NAGA: variants seen among roughly 807,000 people sequenced by gnomAD.
NAGA encodes alpha-N-acetylgalactosaminidase.
In NAGA, 42 loss-of-function variants were observed where a neutral mutation model predicts 45.6. That is an observed-to-expected ratio of 0.92 (90% CI 0.72 to 1.19). The LOEUF (loss-of-function observed/expected upper bound fraction) is 1.19, where lower values mean the gene tolerates loss of function less well. Among genes scored for constraint, NAGA ranks in the 50% most tolerant of loss-of-function variants. The pLI is 0.00. For missense variants in NAGA, 493 were observed against 544.8 expected, an observed-to-expected ratio of 0.90 and a Z score of 0.95; for synonymous variants, 176 against 203.1, an observed-to-expected ratio of 0.87 and a Z score of 1.13.
Position 42,060,956 on chromosome 22 carries a change from G to A in NAGA, c.1069C>T (p.Gln357Ter). 6.2e-7 allele frequency: 1 copy of A among 1,614,246 alleles called. No individual in the cohort carries two copies. The change falls in exon 8 of 9, where the codon CAG (glutamine) becomes TAG (stop). Residue 357 changes from glutamine (Q) to a stop codon, truncating the protein, a stop_gained. Transcript: ENST00000396398. LOFTEE classifies it low-confidence loss of function (END_TRUNC). ...ATCACAGACCCGGTGAAGTTCAGCT[G>A]GCCAAGGGAGGAGTGGTAGCGATAA... is the stretch of plus-strand genomic sequence containing the variant. ...MPYRYHSSLGQLNFTGSVIYE... is the reference protein window; with the variant it reads ...MPYRYHSSLG
intron 6 of NAGA, among the ~76,000 whole-genome samples, chr22:42,065,230 A>G (rs1274027921): frequency 1.3e-5 from 2 of 152,244 alleles, no homozygotes; most frequent in South Asian, 2.1e-4. Flanking sequence ...TGACTAACAG[A>G]TAACTATAAA....
chr22:42,066,914 G>A, intron 4 of NAGA, 110 bp from the exon 5 acceptor site: 9 of 1,384,246 alleles, frequency 6.5e-6, no homozygotes, highest in Non-Finnish European at 9.1e-6. Flanking sequence ...CAAACAGTAG[G>A]TGCCTCCCCA....
At chr22:42,066,868 CA>C in intron 4 of NAGA, 64 bp from the exon 5 acceptor site, 1 of 1,521,920 alleles carries the variant, frequency 6.6e-7, no homozygotes, top group South Asian at 1.2e-5. Context: ...GGCCTTAGCC[CA>C]GACCTTTTCC....
intron 1 of NAGA, among the ~76,000 whole-genome samples, chr22:42,069,763 T>C (rs2146846843): frequency 1.3e-5 from 2 of 152,372 alleles, no homozygotes; most frequent in East Asian, 3.9e-4. Context: ...GTATACGTAC[T>C]GTGGTTTCTA....
intron 7 of NAGA, 71 bp from the exon 8 acceptor site, chr22:42,061,138 T>G: frequency 6.4e-7 from 1 of 1,570,488 alleles, no homozygotes; most frequent in Non-Finnish European, 8.6e-7. Flanking sequence ...TCCCTGGCCC[T>G]CCCTGAGTTC....
At position 42,070,502 on chromosome 22, in the gene NAGA, C is replaced by T. The variant is rs1489536689; in HGVS notation, c.-205G>A. 4.5e-6 allele frequency: 3 copies of T among 669,236 alleles called. No homozygotes were observed. The highest frequency in any genetic ancestry group is 8.2e-6 in the Non-Finnish European group (3 of 366,100). The allele number at this position is 669,236 out of a possible 1,614,324, so 41.5% of individuals were successfully genotyped here. A position where few individuals can be genotyped will look rare whatever the true frequency, so the allele number is the denominator to read the frequency against. ...CATCCCCAGCCATCACTTCCCGGAG[C>T]TTCAGTTCTTCCTTCAGAAATACGA... is the stretch of plus-strand genomic sequence containing the variant. On this transcript the variant is annotated 5_prime_UTR_variant, in exon 1 of 9. Transcript: ENST00000396398.
chr22:42,066,652 G>A (rs1926747983), intron 5 of NAGA, 58 bp downstream of exon 5: 1 of 1,489,696 alleles, frequency 6.7e-7, no homozygotes, highest in Non-Finnish European at 9.2e-7. Flanking sequence ...CTGGCACTCA[G>A]GAGGTAAGGA....
At chr22:42,069,105 G>T (rs1602498686) in intron 1 of NAGA, among the ~76,000 whole-genome samples, 1 of 152,284 alleles carries the variant, frequency 6.6e-6, no homozygotes, top group East Asian at 1.9e-4. Flanking sequence ...AGCCAGGCGT[G>T]GTGGCATGCG....
intron 3 of NAGA, 89 bp from the exon 4 acceptor site, chr22:42,067,379 A>C: frequency 6.6e-7 from 1 of 1,519,904 alleles, no homozygotes; most frequent in Non-Finnish European, 9.0e-7. Context: ...TTAAACCTCC[A>C]GTGGCTCCCA....
At position 42,058,856 on chromosome 22, in the gene NAGA, G is replaced by A. The variant is rs1021244980; in HGVS notation, c.*1423C>T. On this transcript the variant is annotated 3_prime_UTR_variant, in exon 9 of 9. Transcript: ENST00000396398. ...CCAAAGGCAGAGCTATGCACGGAGGGGCAGGCCTGGGATGAGGTAGGCTTC... is the reference window on the plus strand; with the variant it reads ...CCAAAGGCAGAGCTATGCACGGAGGAGCAGGCCTGGGATGAGGTAGGCTTC... 1.3e-5 allele frequency: 2 copies of A among 152,308 alleles called. No homozygotes were observed. Among genetic ancestry groups the A allele is most frequent in the African/African-American group, 4.8e-5 (2 of 41,446 alleles). 9.4% of individuals were successfully genotyped at this position (152,308 alleles called of 1,614,324 possible). A position where few individuals can be genotyped will look rare whatever the true frequency, so the allele number is the denominator to read the frequency against.
At chr22:42,067,702 C>T in intron 3 of NAGA, 63 bp downstream of exon 3, 13 of 1,411,456 alleles carry the variant, frequency 9.2e-6, no homozygotes, top group East Asian at 2.3e-5. Flanking sequence ...GAGCCCTAAG[C>T]GAGGTAGGGT....
Position 42,060,110 on chromosome 22 carries a change from G to T in NAGA, c.*169C>A, listed in dbSNP as rs1926272211. ...AAAAGAAGTTTCCAAGAGGGTTTAC[G>T]CTTGGACAGGGCATAGAACCTGGCC... On this transcript the variant is annotated 3_prime_UTR_variant, in exon 9 of 9. Transcript: ENST00000396398. The T allele has an allele frequency of 1.2e-5, 10 of 865,778 alleles. No homozygotes were observed. The Middle Eastern group carries it at 1.4e-3, about 119-fold the overall frequency. 53.6% of individuals were successfully genotyped at this position (865,778 alleles called of 1,614,324 possible).
chr22:42,065,733 G>A lies in NAGA; in HGVS notation c.759+5C>T. ...GCCTAGGGACATCCCCCTCCATCCT[G>A]GTACCATGTCAGGGTCATTCCAGTG... On this transcript the variant is annotated splice_donor_5th_base_variant and intron_variant, in intron 6 of 8. Coordinates refer to ENST00000396398, the MANE Select transcript of NAGA (RefSeq NM_000262.3). 1.2e-6 allele frequency: 2 copies of A among 1,613,716 alleles called. No homozygotes were observed. Among genetic ancestry groups the A allele is most frequent in the Non-Finnish European group, 1.7e-6 (2 of 1,179,946 alleles).
Position 42,060,242 on chromosome 22 carries a change from AGTGGT to A in NAGA, c.*32_*36del, listed in dbSNP as rs1275378602. ...TGCCAAGGCTCCATGGTCTAGGCTCAGTGGTGCCACCACAGCCTGTCACATGTCCC... is the reference window on the plus strand; with the variant it reads ...TGCCAAGGCTCCATGGTCTAGGCTCAGCCACCACAGCCTGTCACATGTCCC... On this transcript the variant is annotated 3_prime_UTR_variant, in exon 9 of 9. Transcript: ENST00000396398. The A allele has an allele frequency of 6.2e-7, 1 of 1,611,358 alleles. No homozygotes were observed. Among genetic ancestry groups the A allele is most frequent in the African/African-American group, 1.3e-5 (1 of 74,992 alleles).
At chr22:42,061,285 C>T (rs924272012) in intron 7 of NAGA, among the ~76,000 whole-genome samples, 3 of 152,212 alleles carry the variant, frequency 2.0e-5, no homozygotes, top group African/African-American at 4.8e-5. Flanking sequence ...ACTCTGAGCC[C>T]GGCCCCTATG....
chr22:42,067,621 A>G (rs1926819175), intron 3 of NAGA, 144 bp downstream of exon 3: 1 of 736,828 alleles, frequency 1.4e-6, no homozygotes, highest in African/African-American at 1.8e-5. Flanking sequence ...CTCACTCAAC[A>G]GAATAGGCCA....
At chr22:42,065,179 C>T (rs1569458011) in intron 6 of NAGA, among the ~76,000 whole-genome samples, 1 of 152,188 alleles carries the variant, frequency 6.6e-6, no homozygotes, top group African/African-American at 2.4e-5. Flanking sequence ...ACTTGTAATT[C>T]TTATAATCAT....
chr22:42,066,016 G>T, intron 5 of NAGA, 117 bp from the exon 6 acceptor site: 1 of 1,332,020 alleles, frequency 7.5e-7, no homozygotes, highest in Non-Finnish European at 1.0e-6. Context: ...AGAGGGAAGA[G>T]AACAGGCCCC....
At chr22:42,061,228 C>G (rs555643030) in intron 7 of NAGA, among the ~76,000 whole-genome samples, 161 bp from the exon 8 acceptor site, 1 of 152,204 alleles carries the variant, frequency 6.6e-6, no homozygotes, top group African/African-American at 2.4e-5. Flanking sequence ...GCTTATCTAA[C>G]CCTATCTGCC....
Sources: allele counts gnomAD v4.1 joint callset (sites outside exome capture counted in the v4.1 genomes callset), GRCh38; gene constraint gnomAD v4.1.1; transcripts MANE v1.5; gene names NCBI Gene and HGNC (gene_info 2026-07-23, HGNC 2026-07-21).